Variants in PCDHGC3 observed in about 807,000 individuals in gnomAD.
PCDHGC3 encodes the protein protocadherin gamma subfamily C, 3.
Under a neutral mutation model 59.2 loss-of-function variants are expected in PCDHGC3, and 26 were observed. The ratio of observed to expected loss-of-function variants is 0.44; its 90% CI spans 0.32 to 0.61. The LOEUF is 0.61. Among genes scored for constraint, PCDHGC3 ranks in the 20% least tolerant of loss-of-function variants. The pLI is 0.05. For missense variants in PCDHGC3, 1,080 were observed against 1,221.8 expected (o/e 0.88, Z 1.73); for synonymous variants, 487 against 519.7 (o/e 0.94, Z 0.86).
rs1158395811 is a variant in PCDHGC3, at chr5:141,476,020, T to TCGGCGCC, written c.-95_-89dup. The stretch of plus-strand genomic sequence containing the variant: ...CGGCATCCAGAAAGCCATGTCGGAC[T>TCGGCGCC]CGGCGCCCAGCGCCCAAGCGCTAAC... On this transcript the variant is annotated 5_prime_UTR_variant, in exon 1 of 4. An upstream open reading frame in the 5' UTR loses its in-frame stop. Transcript: ENST00000308177. The surrounding 1 kb of genome is among the most constrained non-coding windows in gnomAD (Gnocchi z 7.6). 2.1e-6 allele frequency: 3 copies of TCGGCGCC among 1,398,716 alleles called. No homozygotes were observed. The African/African-American group carries it at 4.3e-5, about 20-fold the overall frequency. The allele number at this position is 1,398,716 out of a possible 1,614,324, so 86.6% of individuals were successfully genotyped here. A position where few individuals can be genotyped will look rare whatever the true frequency, so the allele number is the denominator to read the frequency against.
rs966009387 is a variant in PCDHGC3, at chr5:141,511,564, G to A, written c.*391G>A. The A allele has an allele frequency of 3.0e-5, 9 of 295,900 alleles. No individual in the cohort carries two copies. The highest frequency in any genetic ancestry group is 4.6e-5 in the Non-Finnish European group (7 of 151,798). The allele number at this position is 295,900 out of a possible 1,614,324, so 18.3% of individuals were successfully genotyped here. A position where few individuals can be genotyped will look rare whatever the true frequency, so the allele number is the denominator to read the frequency against. ...CCCACTCCAACAGTTCCTCTTTCCC[G>A]AGTAAGGTGGTTGGGGTGTTGAAGT... On this transcript the variant is annotated 3_prime_UTR_variant, in exon 4 of 4. Transcript: ENST00000308177.
intron 3 of PCDHGC3, 154 bp from the exon 4 acceptor site, chr5:141,510,793 G>GAGA: frequency 1.1e-6 from 1 of 935,078 alleles, no homozygotes; most frequent in Non-Finnish European, 1.3e-6. Context: ...CTCTTGTGAA[G>GAGA]AGAGACTACC....
rs115565444 is a variant in PCDHGC3 at position 141,487,520 on chromosome 5, G to C, written c.2431-7287G>C. 1 of 1,614,166 alleles carries C rather than the reference G, an allele frequency of 6.2e-7. No individual in the cohort carries two copies. Among genetic ancestry groups the C allele is most frequent in the Non-Finnish European group, 8.5e-7 (1 of 1,180,042 alleles). ...CTTGGCTTCTGCACCCACTCGGAGT[G>C]ATAGCTTCATGATGGTGAAGTCACC... On this transcript the variant is annotated intron_variant, in intron 1 of 3. Coordinates refer to ENST00000308177, the MANE Select transcript of PCDHGC3 (RefSeq NM_002588.4). The surrounding 1 kb of genome is among the most constrained non-coding windows in gnomAD (Gnocchi z 5.0).
Position 141,507,906 on chromosome 5 carries a change from G to A in PCDHGC3, c.2578+2425G>A, listed in dbSNP as rs2099864753. ...AGAGAGGTTCCTGAAGTCCAGCCCA[G>A]CCAGGCCTGTGGGGCTGCTGAGAGG... On this transcript the variant is annotated intron_variant, in intron 3 of 3. Coordinates refer to ENST00000308177, the MANE Select transcript of PCDHGC3 (RefSeq NM_002588.4). Among the ~76,000 whole-genome samples, 4 of 152,216 alleles carry A rather than the reference G, an allele frequency of 2.6e-5. No homozygotes were observed. The South Asian group carries it at 8.3e-4, about 32-fold the overall frequency.
At position 141,511,237 on chromosome 5, in the gene PCDHGC3, TG is replaced by T; in HGVS notation, c.*65del. 1 of 1,590,378 alleles carries T rather than the reference TG, an allele frequency of 6.3e-7. No individual in the cohort carries two copies. Among genetic ancestry groups the T allele is most frequent in the Non-Finnish European group, 8.6e-7 (1 of 1,168,304 alleles). On this transcript the variant is annotated 3_prime_UTR_variant, in exon 4 of 4. Transcript: ENST00000308177. ...CCAACCAGCCCAGCTTCTCCTTACC[TG>T]CACCCAGGCCTCAGAGTTTCAGGGC...
Position 141,486,087 on chromosome 5 carries a change from T to G in PCDHGC3, c.2430+7541T>G. 4 of 1,614,176 alleles carry G rather than the reference T, an allele frequency of 2.5e-6. No individual in the cohort carries two copies. The highest frequency in any genetic ancestry group is 3.4e-6 in the Non-Finnish European group (4 of 1,180,028). ...CCCACTACTGGAAAGCTTACTCTTT[T>G]GGGGCCCCTAGACTTTGAGAGTGAG... On this transcript the variant is annotated intron_variant, in intron 1 of 3. Coordinates refer to ENST00000308177, the MANE Select transcript of PCDHGC3 (RefSeq NM_002588.4). This position sits in a 1 kb window ranked among gnomAD's most constrained non-coding sequence, Gnocchi z 5.0.
intron 1 of PCDHGC3, 82 bp from the exon 2 acceptor site, chr5:141,494,725 C>G: frequency 6.2e-7 from 1 of 1,610,026 alleles, no homozygotes; most frequent in East Asian, 2.2e-5. Flanking sequence ...CCCTCCTTCT[C>G]TCCCGGCCCA....
intron 2 of PCDHGC3, among the ~76,000 whole-genome samples, chr5:141,502,832 G>T (rs1266910323): frequency 6.6e-6 from 1 of 150,516 alleles, no homozygotes; most frequent in Non-Finnish European, 1.5e-5. Context: ...GGGGAAGCCT[G>T]GACTGGCTGA....
rs780395794 is a variant in PCDHGC3, at chr5:141,489,685, G to A, written c.2431-5122G>A. ...GCGCATCTCAGAATCAGCAGCATCT[G>A]GGGCACGATTCCCACTGGACAGTGC... On this transcript the variant is annotated intron_variant, in intron 1 of 3. Coordinates refer to ENST00000308177, the MANE Select transcript of PCDHGC3 (RefSeq NM_002588.4). The surrounding 1 kb of genome is among the most constrained non-coding windows in gnomAD (Gnocchi z 4.5). 10 of 1,614,142 alleles carry A rather than the reference G, an allele frequency of 6.2e-6. No individual in the cohort carries two copies. The South Asian group carries it at 1.1e-4, about 18-fold the overall frequency.
Position 141,477,098 on chromosome 5 carries a change from G to A in PCDHGC3, c.982G>A (p.Gly328Ser), listed in dbSNP as rs1562059777. 1.9e-6 allele frequency: 3 copies of A among 1,614,124 alleles called. No individual in the cohort carries two copies. The highest frequency in any genetic ancestry group is 3.3e-5 in the Admixed American group (2 of 60,008). The stretch of plus-strand genomic sequence containing the variant: ...GATTTACATCCAGGCCAAAGACAAG[G>A]GCGCCAATCCCGAAGGAGCACATTG... Reference protein sequence around the residue: ...HEIYIQAKDKGANPEGAHCKV... With the variant: ...HEIYIQAKDKSANPEGAHCKV... The change falls in exon 1 of 4, where the codon GGC becomes AGC. Residue 328 changes from glycine (G) to serine (S), a missense_variant. Physicochemically the swap from Gly to Ser is moderately conservative, Grantham distance 56. Coordinates refer to ENST00000308177, the MANE Select transcript of PCDHGC3 (RefSeq NM_002588.4). This position sits in a 1 kb window ranked among gnomAD's most constrained non-coding sequence, Gnocchi z 4.9.
At chr5:141,509,823 TTCTC>T (rs2099878456) in intron 3 of PCDHGC3, among the ~76,000 whole-genome samples, 1 of 152,170 alleles carries the variant, frequency 6.6e-6, no homozygotes, top group Non-Finnish European at 1.5e-5. Flanking sequence ...CTTCTCCATC[TTCTC>T]TCTACCTCCC....
chr5:141,492,296 G>GACGC lies in PCDHGC3; in HGVS notation c.2431-2500_2431-2497dup, dbSNP rs540417011. 9.7e-4 allele frequency among the ~76,000 whole-genome samples: 148 copies of GACGC among 152,328 alleles called. 2 individuals are homozygous for GACGC. In the South Asian group the frequency reaches 0.014, roughly 14 times the overall value. ...GCCACGCCCCGCCAACACGTGCGCGGACGCACGCACGCACTCCTCGCACGT... is the reference window on the plus strand; with the variant it reads ...GCCACGCCCCGCCAACACGTGCGCGGACGCACGCACGCACGCACTCCTCGCACGT... On this transcript the variant is annotated intron_variant, in intron 1 of 3. Transcript: ENST00000308177.
rs2154576655 is a variant in PCDHGC3 at position 141,478,428 on chromosome 5, C to T, written c.2312C>T (p.Pro771Leu). 6.2e-7 allele frequency: 1 copy of T among 1,613,746 alleles called. No individual in the cohort carries two copies. The highest frequency in any genetic ancestry group is 8.5e-7 in the Non-Finnish European group (1 of 1,180,012). The change falls in exon 1 of 4, where the codon CCG becomes CTG. Residue 771 changes from proline to leucine, a missense_variant. By Grantham distance (98) the Pro-to-Leu change is moderately conservative (BLOSUM62 -3). Transcript: ENST00000308177. ...YLTTDSRRSD[P>L]LLKKPGAASP... ...ACCACGGACTCCCGCCGCAGCGACC[C>T]GCTGCTGAAGAAACCTGGTGCAGCC...
In PCDHGC3 at chr5:141,477,380, G is replaced by C; in HGVS notation, c.1264G>C (p.Glu422Gln). The C allele has an allele frequency of 6.2e-7, 1 of 1,614,116 alleles. No homozygotes were observed. The highest frequency in any genetic ancestry group is 8.5e-7 in the Non-Finnish European group (1 of 1,180,028). The change falls in exon 1 of 4, where the codon GAA becomes CAA. Residue 422 changes from glutamate (E) to glutamine (Q), a missense_variant. Transcript: ENST00000308177. The surrounding 1 kb of genome is among the most constrained non-coding windows in gnomAD (Gnocchi z 4.9). ...SADLDRETVP[E>Q]YNLSITARDA... ...AGACCTGGATCGGGAGACTGTGCCA[G>C]AATACAACCTCAGCATCACCGCCCG...
rs1594492695 is a variant in PCDHGC3 at position 141,485,536 on chromosome 5, A to G, written c.2430+6990A>G. On this transcript the variant is annotated intron_variant, in intron 1 of 3. Transcript: ENST00000308177. The surrounding 1 kb of genome is among the most constrained non-coding windows in gnomAD (Gnocchi z 5.7). ...CTTTGGAAATGTACCGAGCAGAGGTAGAGATCGTAGATGTGAATGATCACG... is the reference window on the plus strand; with the variant it reads ...CTTTGGAAATGTACCGAGCAGAGGTGGAGATCGTAGATGTGAATGATCACG... 3 of 1,613,976 alleles carry G rather than the reference A, an allele frequency of 1.9e-6. No homozygotes were observed. The highest frequency in any genetic ancestry group is 2.5e-6 in the Non-Finnish European group (3 of 1,179,946).
At chr5:141,510,816 A>G (rs1478938067) in intron 3 of PCDHGC3, 131 bp from the exon 4 acceptor site, 2 of 1,547,282 alleles carry the variant, frequency 1.3e-6, no homozygotes, top group Non-Finnish European at 1.8e-6. Context: ...GGTGACCCCT[A>G]TATTCCCAGT....
Position 141,476,129 on chromosome 5 carries a change from G to A in PCDHGC3, c.13G>A (p.Ala5Thr). ...GCTTTTGAGTGAGATGGTCCCAGAG[G>A]CCTGGAGGAGCGGACTGGTAAGCAC... Reference protein sequence around the residue: MVPEAWRSGLVSTGR... With the variant: MVPETWRSGLVSTGR... Residue 5 changes from alanine (A) to threonine (T), a missense_variant, in exon 1 of 4, where the codon GCC (alanine) becomes ACC (threonine). By Grantham distance (58) the Ala-to-Thr change is moderately conservative. Transcript: ENST00000308177. This position sits in a 1 kb window ranked among gnomAD's most constrained non-coding sequence, Gnocchi z 7.6. The A allele has an allele frequency of 6.2e-7, 1 of 1,606,848 alleles. No homozygotes were observed. The highest frequency in any genetic ancestry group is 8.5e-7 in the Non-Finnish European group (1 of 1,177,814).
rs1342473418 is a variant in PCDHGC3, at chr5:141,477,702, A to G, written c.1586A>G (p.Asp529Gly). Residue 529 changes from aspartate to glycine, a missense_variant, in exon 1 of 4, where the codon GAT becomes GGT. Asp to Gly is a moderately conservative substitution (Grantham distance 94). Transcript: ENST00000308177. The surrounding 1 kb of genome is among the most constrained non-coding windows in gnomAD (Gnocchi z 4.9). Reference protein sequence around the residue: ...VSSLVPLDYEDRREFELTAHI... With the variant: ...VSSLVPLDYEGRREFELTAHI... Reference sequence around the variant, plus strand: ...TCCTTAGTGCCCCTAGACTATGAGGATCGGCGGGAATTTGAATTAACAGCT... The same window carrying G: ...TCCTTAGTGCCCCTAGACTATGAGGGTCGGCGGGAATTTGAATTAACAGCT... The G allele has an allele frequency of 1.9e-6, 3 of 1,613,924 alleles. No individual in the cohort carries two copies. Among genetic ancestry groups the G allele is most frequent in the Non-Finnish European group, 2.5e-6 (3 of 1,180,044 alleles).
chr5:141,486,153 C>A lies in PCDHGC3; in HGVS notation c.2430+7607C>A, dbSNP rs1330257915. On this transcript the variant is annotated intron_variant, in intron 1 of 3. Coordinates refer to ENST00000308177, the MANE Select transcript of PCDHGC3 (RefSeq NM_002588.4). This position sits in a 1 kb window ranked among gnomAD's most constrained non-coding sequence, Gnocchi z 5.0. ...GATGTGCGGGCTCGCGATGGGGGTTCTCCAGCCATGGAGCAACATTGCAGC... is the reference window on the plus strand; with the variant it reads ...GATGTGCGGGCTCGCGATGGGGGTTATCCAGCCATGGAGCAACATTGCAGC... 6.2e-7 allele frequency: 1 copy of A among 1,614,202 alleles called. No individual in the cohort carries two copies. The highest frequency in any genetic ancestry group is 1.7e-5 in the Admixed American group (1 of 60,022).
Sources: gnomAD v4.1 joint callset for allele counts (sites outside exome capture counted in the v4.1 genomes callset) on GRCh38, gnomAD v4.1.1 for gene constraint, Gnocchi (gnomAD v3.1) non-coding constraint, MANE v1.5 for transcripts, NCBI Gene and HGNC (gene_info 2026-07-23, HGNC 2026-07-21) for gene names.